DYM: variants seen among roughly 807,000 people sequenced by gnomAD.
DYM encodes the protein dyggve-Melchior-Clausen syndrome protein.
DYM carries 78 observed loss-of-function variants against 93.1 expected under a neutral mutation model. The observed-to-expected ratio is 0.84, with a 90% CI of 0.70 to 1.01. DYM has a LOEUF of 1.01. Among genes scored for constraint, DYM ranks in the 50% least tolerant of loss-of-function variants. The pLI is 0.00. For missense variants in DYM, 789 were observed against 845.0 expected (o/e 0.93, Z 0.82); for synonymous variants, 321 against 319.7 (o/e 1.00, Z -0.04).
intron 16 of DYM, among the ~76,000 whole-genome samples, chr18:49,108,302 G>T (rs917540548): frequency 2.0e-4 from 30 of 152,244 alleles, no homozygotes; most frequent in Non-Finnish European, 4.0e-4. Context: ...GGTGCCGTCT[G>T]TCACCCCTTT....
chr18:49,304,482 CCTT>C (rs1422663259), intron 8 of DYM, among the ~76,000 whole-genome samples: 1 of 152,176 alleles, frequency 6.6e-6, no homozygotes, highest in East Asian at 1.9e-4. Context: ...TAGGAAAAAA[CCTT>C]CTATATTGTC....
At chr18:49,380,250 C>T (rs2067918092) in intron 3 of DYM, among the ~76,000 whole-genome samples, 1 of 152,040 alleles carries the variant, frequency 6.6e-6, no homozygotes, top group African/African-American at 2.4e-5. Flanking sequence ...GCTATTTGAC[C>T]AGACAAAACT....
intron 13 of DYM, among the ~76,000 whole-genome samples, chr18:49,251,691 C>G (rs995507583): frequency 1.4e-4 from 21 of 152,252 alleles, no homozygotes; most frequent in Admixed American, 1.3e-3. Flanking sequence ...TGCTGCCGCT[C>G]CCGTCTTACA....
At chr18:49,124,084 G>A (rs1377689329) in intron 15 of DYM, among the ~76,000 whole-genome samples, 1 of 152,148 alleles carries the variant, frequency 6.6e-6, no homozygotes, top group African/African-American at 2.4e-5. Flanking sequence ...TGTTCTCAAT[G>A]TTTAAATAAG....
intron 13 of DYM, among the ~76,000 whole-genome samples, chr18:49,242,767 T>G (rs1440785805): frequency 6.6e-6 from 1 of 152,224 alleles, no homozygotes; most frequent in Non-Finnish European, 1.5e-5. Flanking sequence ...TGGCGCCATC[T>G]TGGCTCACTG....
At chr18:49,148,571 T>G (rs1057178879) in intron 15 of DYM, among the ~76,000 whole-genome samples, 3 of 152,104 alleles carry the variant, frequency 2.0e-5, no homozygotes, top group African/African-American at 7.2e-5. Flanking sequence ...AGATACATGT[T>G]AAATACAAGA....
chr18:49,419,133 C>T (rs996349419), intron 2 of DYM, among the ~76,000 whole-genome samples: 4 of 152,026 alleles, frequency 2.6e-5, no homozygotes, highest in African/African-American at 9.7e-5. Context: ...GAGGTCAAGG[C>T]AGGTGGATCA....
rs142692973 is a variant in DYM, at chr18:49,120,977, C to CCT, written c.1729-2053_1729-2052dup. On this transcript the variant is annotated intron_variant, in intron 15 of 17. Coordinates refer to ENST00000675505, the MANE Select transcript of DYM (RefSeq NM_001353214.3). ...TTTATAGGTGAGCCACTGAACCCAG[C>CCT]CTCTGCCTCTGTTTTCTTAAATACA... 3.1e-3 allele frequency among the ~76,000 whole-genome samples: 465 copies of CCT among 152,258 alleles called. 3 individuals are homozygous for CCT. Among genetic ancestry groups the CCT allele is most frequent in the African/African-American group, 0.01 (432 of 41,564 alleles).
At chr18:49,133,372 T>C (rs1483417031) in intron 15 of DYM, among the ~76,000 whole-genome samples, 1 of 152,214 alleles carries the variant, frequency 6.6e-6, no homozygotes, top group Non-Finnish European at 1.5e-5. Flanking sequence ...GTTACTGTCA[T>C]AACAAACTAC....
At chr18:49,067,177 A>G (rs2076473106) in intron 17 of DYM, among the ~76,000 whole-genome samples, 1 of 120,170 alleles carries the variant, frequency 8.3e-6, no homozygotes, top group Non-Finnish European at 1.7e-5. Flanking sequence ...AGCACTATGG[A>G]GGTTCAGTAG....
intron 1 of DYM, among the ~76,000 whole-genome samples, chr18:49,458,329 T>C (rs1301069181): frequency 6.6e-6 from 1 of 151,454 alleles, no homozygotes; most frequent in Admixed American, 6.6e-5. Flanking sequence ...ATGAGCCATA[T>C]TAATAAAAAA....
intron 17 of DYM, 140 bp downstream of exon 17, chr18:49,097,262 A>T: frequency 1.3e-6 from 1 of 747,296 alleles, no homozygotes; most frequent in East Asian, 2.7e-5. Flanking sequence ...GCTGTCAGAA[A>T]CCTTTGTCAC....
intron 15 of DYM, among the ~76,000 whole-genome samples, chr18:49,145,037 C>T (rs956457897): frequency 2.1e-5 from 3 of 143,264 alleles, no homozygotes; most frequent in African/African-American, 7.8e-5. Context: ...GGGTTCAAGG[C>T]TGCAGTGAAC....
At chr18:49,351,526 T>C (rs1295307500) in intron 6 of DYM, among the ~76,000 whole-genome samples, 1 of 150,384 alleles carries the variant, frequency 6.6e-6, no homozygotes, top group Non-Finnish European at 1.5e-5. Flanking sequence ...CACTAACACA[T>C]CACCATATTT....
At chr18:49,363,274 A>T in intron 5 of DYM, 41 bp from the exon 6 acceptor site, 1 of 1,319,680 alleles carries the variant, frequency 7.6e-7, no homozygotes, top group Non-Finnish European at 1.1e-6. Context: ...AACAAAGTAC[A>T]CAGTAGAATA....
intron 7 of DYM, 150 bp downstream of exon 7, chr18:49,333,578 G>A: frequency 1.3e-6 from 1 of 797,486 alleles, no homozygotes; most frequent in Non-Finnish European, 2.0e-6. Context: ...GTAGAATGCG[G>A]TTCCCTATGC....
intron 15 of DYM, among the ~76,000 whole-genome samples, chr18:49,149,557 T>A (rs1401276241): frequency 6.6e-6 from 1 of 152,168 alleles, no homozygotes; most frequent in African/African-American, 2.4e-5. Flanking sequence ...TTATTATATA[T>A]CCCTCCTTAC....
At chr18:49,343,446 C>A (rs1282107534) in intron 6 of DYM, among the ~76,000 whole-genome samples, 1 of 152,200 alleles carries the variant, frequency 6.6e-6, no homozygotes, top group Non-Finnish European at 1.5e-5. Flanking sequence ...ATTATAAGGT[C>A]CACTTCACAA....
chr18:49,110,080 G>A (rs2081253407), intron 16 of DYM, among the ~76,000 whole-genome samples: 1 of 152,174 alleles, frequency 6.6e-6, no homozygotes, highest in South Asian at 2.1e-4. Context: ...AAGTTTTATT[G>A]GAACATAGCC....
Sources: gnomAD v4.1 joint callset for allele counts (sites outside exome capture counted in the v4.1 genomes callset) on GRCh38, gnomAD v4.1.1 for gene constraint, MANE v1.5 for transcripts, NCBI Gene and HGNC (gene_info 2026-07-23, HGNC 2026-07-21) for gene names.